The following PLEKHH2 variants were observed in gnomAD, a reference collection of about 807,000 sequenced individuals.
PLEKHH2 encodes the protein pleckstrin homology domain-containing family H member 2.
In PLEKHH2, 129 loss-of-function variants were observed where a neutral mutation model predicts 187.9. The ratio of observed to expected loss-of-function variants is 0.69; its 90% CI spans 0.59 to 0.79. The LOEUF is 0.79. Ranked by LOEUF, PLEKHH2 falls within the 30% of genes least tolerant of loss-of-function variation. The pLI, the probability that PLEKHH2 is intolerant of heterozygous loss-of-function variation, is 0.00. For synonymous variants in PLEKHH2, 686 were observed against 605.6 expected (o/e 1.13, Z -1.95); for missense variants, 2,076 against 1,751.2 (o/e 1.19, Z -3.31).
rs559753023 is a variant in PLEKHH2 at position 43,700,443 on chromosome 2, C to A, written c.1485C>A (p.Asp495Glu). ...QETDLDLVDG[D>E]STEVLENMDT... ...CTGATCTTGATCTAGTTGATGGAGA[C>A]AGTACAGAAGTTTTAGAGAATATGG... Residue 495 changes from aspartate (D) to glutamate (E), a missense_variant, in exon 8 of 30, where the codon GAC (aspartate) becomes GAA (glutamate). By Grantham distance (45) the Asp-to-Glu change is conservative. Coordinates refer to ENST00000282406, the MANE Select transcript of PLEKHH2 (RefSeq NM_172069.4). The A allele has an allele frequency of 8.7e-6, 14 of 1,613,964 alleles. 1 individual carries two copies. In the South Asian group the frequency reaches 1.5e-4, roughly 18 times the overall value.
At chr2:43,648,395 G>A (rs1390651555) in intron 2 of PLEKHH2, among the ~76,000 whole-genome samples, 3 of 151,992 alleles carry the variant, frequency 2.0e-5, no homozygotes, top group African/African-American at 7.3e-5. Flanking sequence ...CACCATATTG[G>A]CCAGGATGGT....
At chr2:43,641,234 A>C (rs1027100909) in intron 1 of PLEKHH2, among the ~76,000 whole-genome samples, 1 of 152,160 alleles carries the variant, frequency 6.6e-6, no homozygotes. Context: ...CTTTCTTGAT[A>C]GTGTCCTTTG....
chr2:43,747,104 C>T (rs1175672200), intron 24 of PLEKHH2, among the ~76,000 whole-genome samples: 1 of 142,564 alleles, frequency 7.0e-6, no homozygotes, highest in Non-Finnish European at 1.5e-5. Flanking sequence ...CTCTCTCTCT[C>T]TCTCCCTCTC....
intron 8 of PLEKHH2, among the ~76,000 whole-genome samples, chr2:43,701,849 C>A (rs1020823062): frequency 3.4e-5 from 5 of 148,726 alleles, no homozygotes; most frequent in African/African-American, 1.2e-4. Flanking sequence ...CTCACTGCAA[C>A]CTCTGCCACC....
chr2:43,680,963 G>T, intron 3 of PLEKHH2: 1 of 1,051,428 alleles, frequency 9.5e-7, no homozygotes, highest in Non-Finnish European at 1.4e-6. Context: ...TACATACACT[G>T]GATTTCTAGT....
At position 43,758,888 on chromosome 2, in the gene PLEKHH2, C is replaced by G. The variant is rs749381983; in HGVS notation, c.3942-12C>G. 1.3e-6 allele frequency: 2 copies of G among 1,545,216 alleles called. No homozygotes were observed. Among genetic ancestry groups the G allele is most frequent in the Non-Finnish European group, 1.8e-6 (2 of 1,140,798 alleles). Reference sequence around the variant, plus strand: ...TTAGTGTTTTTGTTTTTGTTCTTTTCTTTTTTTTTAGGCAGCTTTGCCAGC... The same window carrying G: ...TTAGTGTTTTTGTTTTTGTTCTTTTGTTTTTTTTTAGGCAGCTTTGCCAGC... On this transcript the variant is annotated splice_polypyrimidine_tract_variant and intron_variant, in intron 26 of 29. Transcript: ENST00000282406.
chr2:43,706,222 C>T, intron 9 of PLEKHH2, 100 bp from the exon 10 acceptor site: 1 of 842,956 alleles, frequency 1.2e-6, no homozygotes, highest in South Asian at 1.4e-5. Context: ...AATCGAATTG[C>T]TTTTTAAATG....
At chr2:43,754,199 C>CAAAAA (rs748378945) in intron 25 of PLEKHH2, among the ~76,000 whole-genome samples, 11 of 115,568 alleles carry the variant, frequency 9.5e-5, no homozygotes, top group Non-Finnish European at 8.8e-5. Context: ...CACACACACA[C>CAAAAA]ACACACAAAA....
chr2:43,706,716 C>G (rs1013547898), intron 10 of PLEKHH2, among the ~76,000 whole-genome samples: 1 of 152,122 alleles, frequency 6.6e-6, no homozygotes, highest in Non-Finnish European at 1.5e-5. Flanking sequence ...AATGAAAACT[C>G]CTAATTTAGG....
intron 18 of PLEKHH2, among the ~76,000 whole-genome samples, 172 bp downstream of exon 18, chr2:43,729,917 G>A (rs1331460304): frequency 6.6e-6 from 1 of 152,078 alleles, no homozygotes. Context: ...TTTGGCTGCA[G>A]GGACACCATC....
At chr2:43,748,883 G>C (rs1420844549) in intron 24 of PLEKHH2, among the ~76,000 whole-genome samples, 1 of 151,958 alleles carries the variant, frequency 6.6e-6, no homozygotes, top group Admixed American at 6.6e-5. Flanking sequence ...CAGCCTCCCA[G>C]ATAGCTGGGA....
intron 15 of PLEKHH2, among the ~76,000 whole-genome samples, chr2:43,716,869 C>T (rs777448134): frequency 3.9e-5 from 6 of 152,114 alleles, no homozygotes; most frequent in Non-Finnish European, 8.8e-5. Flanking sequence ...TTAATTATGG[C>T]TAATATTATT....
At chr2:43,720,798 AG>A in intron 16 of PLEKHH2, 49 bp downstream of exon 16, 2 of 1,564,964 alleles carry the variant, frequency 1.3e-6, no homozygotes, top group Non-Finnish European at 1.7e-6. Context: ...TTTGTGTGTT[AG>A]GGCTTAAACT....
chr2:43,710,622 C>G (rs1669916871), intron 14 of PLEKHH2, 47 bp downstream of exon 14: 8 of 1,278,216 alleles, frequency 6.3e-6, no homozygotes, highest in Non-Finnish European at 8.5e-6. Context: ...TCATGCCAGA[C>G]TCAATTCTCA....
At position 43,765,479 on chromosome 2, in the gene PLEKHH2, C is replaced by CA. The variant is rs1261777731; in HGVS notation, c.4364dup (p.His1455GlnfsTer98). ...CTTCCATCAGCAAAAGGCAGCATTT[C>CA]ACCACCTCTCTGCTCCAGCACTGCT... is the stretch of plus-strand genomic sequence containing the variant. On this transcript the variant is annotated frameshift_variant, in exon 30 of 30. Transcript: ENST00000282406. LOFTEE classifies it high-confidence loss of function. The CA allele has an allele frequency of 3.1e-6, 5 of 1,614,004 alleles. No homozygotes were observed. Among genetic ancestry groups the CA allele is most frequent in the Non-Finnish European group, 3.4e-6 (4 of 1,180,012 alleles).
intron 13 of PLEKHH2, 63 bp downstream of exon 13, chr2:43,710,393 T>G: frequency 1.3e-6 from 2 of 1,588,240 alleles, no homozygotes; most frequent in Non-Finnish European, 1.7e-6. Context: ...GACGCCTGAT[T>G]GATTTCCTTC....
At chr2:43,754,201 C>CAA (rs1282544786) in intron 25 of PLEKHH2, among the ~76,000 whole-genome samples, 33 of 115,136 alleles carry the variant, frequency 2.9e-4, no homozygotes, top group African/African-American at 1.2e-3. Flanking sequence ...CACACACACA[C>CAA]ACACAAAATT....
At chr2:43,692,306 T>G in intron 3 of PLEKHH2, 1 of 392,284 alleles carries the variant, frequency 2.5e-6, no homozygotes, top group Non-Finnish European at 4.6e-6. Flanking sequence ...TGAGAATTTC[T>G]TATGTTTGTA....
At chr2:43,715,871 A>G (rs978520686) in intron 15 of PLEKHH2, among the ~76,000 whole-genome samples, 1 of 152,242 alleles carries the variant, frequency 6.6e-6, no homozygotes, top group African/African-American at 2.4e-5. Context: ...GATTCGAGGA[A>G]TCATCAGCAT....
Sources: allele counts gnomAD v4.1 joint callset (sites outside exome capture counted in the v4.1 genomes callset), GRCh38; gene constraint gnomAD v4.1.1; transcripts MANE v1.5; gene names NCBI Gene and HGNC (gene_info 2026-07-23, HGNC 2026-07-21).